MECOM: variants seen among roughly 807,000 people sequenced by gnomAD.
MECOM encodes histone-lysine N-methyltransferase MECOM.
In MECOM, 13 loss-of-function variants were observed where a neutral mutation model predicts 116.3. The ratio of observed to expected loss-of-function variants is 0.11; its 90% confidence interval spans 0.07 to 0.18. MECOM has a LOEUF of 0.18. Ranked by LOEUF, MECOM falls within the 10% of genes least tolerant of loss-of-function variation. The probability of loss-of-function intolerance (pLI) is 1.00; values close to 1 mark genes in which losing one functional copy is unlikely to be tolerated. For missense variants in MECOM, 1,299 were observed against 1,509.0 expected (o/e 0.86, Z 2.31); for synonymous variants, 528 against 535.2 (o/e 0.99, Z 0.19).
At chr3:169,134,162 G>A (rs1425595420) in intron 3 of MECOM, among the ~76,000 whole-genome samples, 5 of 152,120 alleles carry the variant, frequency 3.3e-5, no homozygotes, top group Non-Finnish European at 5.9e-5. Flanking sequence ...TATTAATCAT[G>A]TCTCTTTTAA....
At chr3:169,237,610 C>CA (rs775383808) in intron 2 of MECOM, among the ~76,000 whole-genome samples, 3,034 of 80,480 alleles carry the variant, frequency 0.038, 76 homozygotes, top group African/African-American at 0.045. Context: ...GTCTCCATCA[C>CA]AAAAAAAAAA....
chr3:169,446,370 G>A (rs748851701), intron 1 of MECOM, among the ~76,000 whole-genome samples: 2 of 152,142 alleles, frequency 1.3e-5, no homozygotes, highest in South Asian at 2.1e-4. Flanking sequence ...AGGAGTTTCC[G>A]CTTTTGCTTC....
chr3:169,629,649 T>C (rs1179289649), intron 1 of MECOM, among the ~76,000 whole-genome samples: 1 of 152,198 alleles, frequency 6.6e-6, no homozygotes, highest in African/African-American at 2.4e-5. Flanking sequence ...ATGTAGGTAA[T>C]GCCTTTGTGG....
chr3:169,546,622 T>A lies in MECOM; in HGVS notation c.37+116714A>T, dbSNP rs544252216. The stretch of plus-strand genomic sequence containing the variant: ...CCACTTCAAGATGCAGCTCTCCTGG[T>A]AGTGTGTTGGACTGTATCCAAACAA... On this transcript the variant is annotated intron_variant, in intron 1 of 16. Coordinates refer to ENST00000651503, the MANE Select transcript of MECOM (RefSeq NM_004991.4). 1.7e-4 allele frequency among the ~76,000 whole-genome samples: 26 copies of A among 152,290 alleles called. No individual in the cohort carries two copies. The Middle Eastern group carries it at 0.01, about 60-fold the overall frequency.
At chr3:169,105,548 A>G (rs1725107388) in intron 10 of MECOM, among the ~76,000 whole-genome samples, 1 of 152,212 alleles carries the variant, frequency 6.6e-6, no homozygotes, top group Non-Finnish European at 1.5e-5. Context: ...AAATGAAAAG[A>G]GCAATATGTA....
chr3:169,567,852 A>G (rs909240320), intron 1 of MECOM, among the ~76,000 whole-genome samples: 1 of 152,262 alleles, frequency 6.6e-6, no homozygotes, highest in African/African-American at 2.4e-5. Flanking sequence ...GGAAAAAAAT[A>G]TAAGGACCAC....
chr3:169,501,611 C>G (rs1436586810), intron 1 of MECOM, among the ~76,000 whole-genome samples: 1 of 152,150 alleles, frequency 6.6e-6, no homozygotes, highest in South Asian at 2.1e-4. Flanking sequence ...ACAAGCAAGT[C>G]TGCAATTAAC....
intron 1 of MECOM, among the ~76,000 whole-genome samples, chr3:169,568,563 G>A (rs1299635400): frequency 6.6e-6 from 1 of 152,196 alleles, no homozygotes; most frequent in Non-Finnish European, 1.5e-5. Context: ...TGAGGCTGGA[G>A]TAGGAAGTAT....
At chr3:169,104,502 CA>C (rs1241948854) in intron 10 of MECOM, among the ~76,000 whole-genome samples, 2 of 152,168 alleles carry the variant, frequency 1.3e-5, no homozygotes, top group Non-Finnish European at 2.9e-5. Context: ...GTCATGATCA[CA>C]CACATTTATT....
chr3:169,180,965 A>G (rs1745894060), intron 2 of MECOM, among the ~76,000 whole-genome samples: 2 of 151,918 alleles, frequency 1.3e-5, no homozygotes, highest in South Asian at 2.1e-4. Context: ...GTAGGAAGTG[A>G]AACTAATAAG....
intron 2 of MECOM, among the ~76,000 whole-genome samples, chr3:169,285,234 A>C (rs1255529474): frequency 6.6e-6 from 1 of 152,196 alleles, no homozygotes; most frequent in Non-Finnish European, 1.5e-5. Flanking sequence ...CAGCACAGAC[A>C]CAGGCTGGAC....
chr3:169,400,265 A>G (rs936449888), intron 1 of MECOM, among the ~76,000 whole-genome samples: 2 of 152,204 alleles, frequency 1.3e-5, no homozygotes, highest in African/African-American at 2.4e-5. Context: ...ATGAAATCAT[A>G]ATTTCAGGAG....
chr3:169,224,776 T>C (rs967454510), intron 2 of MECOM, among the ~76,000 whole-genome samples: 3 of 152,176 alleles, frequency 2.0e-5, no homozygotes, highest in Non-Finnish European at 2.9e-5. Flanking sequence ...AGGGGGCCCG[T>C]AGAGAATCAA....
chr3:169,140,341 G>T (rs565146357), intron 3 of MECOM, among the ~76,000 whole-genome samples: 1 of 152,202 alleles, frequency 6.6e-6, no homozygotes, highest in South Asian at 2.1e-4. Context: ...GAATGTTAAG[G>T]ATAAAGAGAC....
At chr3:169,625,417 C>T (rs1771248019) in intron 1 of MECOM, among the ~76,000 whole-genome samples, 2 of 152,104 alleles carry the variant, frequency 1.3e-5, no homozygotes, top group South Asian at 4.1e-4. Context: ...TTGCCAGGCT[C>T]TTAAGCATTG....
At chr3:169,444,301 T>A (rs958368413) in intron 1 of MECOM, among the ~76,000 whole-genome samples, 2 of 152,200 alleles carry the variant, frequency 1.3e-5, no homozygotes, top group Non-Finnish European at 2.9e-5. Flanking sequence ...TGAGCAACAC[T>A]GATATGGTTT....
intron 1 of MECOM, among the ~76,000 whole-genome samples, chr3:169,540,050 C>T (rs1357394313): frequency 6.6e-6 from 1 of 152,174 alleles, no homozygotes; most frequent in South Asian, 2.1e-4. Flanking sequence ...GTCCTTATCA[C>T]ACTGCTCTTC....
intron 11 of MECOM, among the ~76,000 whole-genome samples, 157 bp downstream of exon 11, chr3:169,101,902 TA>T (rs1179441210): frequency 6.6e-6 from 1 of 152,220 alleles, no homozygotes; most frequent in East Asian, 1.9e-4. Context: ...ACACTATTTT[TA>T]TATTTCACTA....
intron 1 of MECOM, among the ~76,000 whole-genome samples, chr3:169,432,536 C>T (rs1285379269): frequency 1.3e-5 from 2 of 152,140 alleles, no homozygotes; most frequent in Admixed American, 6.5e-5. Context: ...TCAATGTCTC[C>T]CTCTCTAACA....
Sources: allele counts gnomAD v4.1 joint callset (sites outside exome capture counted in the v4.1 genomes callset), GRCh38; gene constraint gnomAD v4.1.1; transcripts MANE v1.5; gene names NCBI Gene and HGNC (gene_info 2026-07-23, HGNC 2026-07-21).